The following IMMP2L variants were observed in gnomAD, a reference collection of about 807,000 sequenced individuals.
IMMP2L encodes mitochondrial inner membrane protease subunit 2.
In IMMP2L, 18 loss-of-function variants were observed where a neutral mutation model predicts 19.3. The ratio of observed to expected loss-of-function variants is 0.93; its 90% CI spans 0.64 to 1.38. The LOEUF is 1.38. Ranked by LOEUF, IMMP2L falls within the 40% of genes most tolerant of loss-of-function variation. The probability of loss-of-function intolerance (pLI) is 0.00; values close to 1 mark genes in which losing one functional copy is unlikely to be tolerated. For missense variants in IMMP2L, 233 were observed against 218.2 expected, an observed-to-expected ratio of 1.07 and a Z score of -0.43; for synonymous variants, 76 against 73.0, an observed-to-expected ratio of 1.04 and a Z score of -0.21.
At chr7:111,015,714 G>T (rs1003969054) in intron 3 of IMMP2L, among the ~76,000 whole-genome samples, 1 of 151,978 alleles carries the variant, frequency 6.6e-6, no homozygotes, top group Non-Finnish European at 1.5e-5. Flanking sequence ...TAGGTAGAGG[G>T]TTTCTTTAGG....
chr7:110,870,904 A>T lies in IMMP2L; in HGVS notation c.408+15689T>A, dbSNP rs922561910. ...AGAGATCGGGTTTGAGGATAACTGT[A>T]AGATAACTGCAGCTGCCACAGAGAC... On this transcript the variant is annotated intron_variant, in intron 5 of 5. Transcript: ENST00000405709. This position sits in a 1 kb window ranked among gnomAD's most constrained non-coding sequence, Gnocchi z 4.2. Among the ~76,000 whole-genome samples the T allele has an allele frequency of 6.6e-6, 1 of 152,154 alleles. No homozygotes were observed. The highest frequency in any genetic ancestry group is 6.5e-5 in the Admixed American group (1 of 15,272).
chr7:110,866,904 C>G (rs981704008), intron 5 of IMMP2L, among the ~76,000 whole-genome samples: 2 of 151,998 alleles, frequency 1.3e-5, no homozygotes, highest in African/African-American at 4.8e-5. Context: ...ATTAAAAGAA[C>G]CTTAAGCTAT....
chr7:111,166,058 A>C (rs1013745402), intron 3 of IMMP2L, among the ~76,000 whole-genome samples: 16 of 152,068 alleles, frequency 1.1e-4, no homozygotes, highest in Admixed American at 9.2e-4. Flanking sequence ...TAATCTTAAA[A>C]TGACAAGAAA....
chr7:110,789,376 T>C (rs1800310938), intron 5 of IMMP2L, among the ~76,000 whole-genome samples: 1 of 151,786 alleles, frequency 6.6e-6, no homozygotes. Context: ...TACTCATCTT[T>C]AGCTTCTCCC....
intron 3 of IMMP2L, among the ~76,000 whole-genome samples, chr7:111,441,457 A>G (rs544337708): frequency 1.3e-5 from 2 of 151,882 alleles, no homozygotes; most frequent in South Asian, 4.1e-4. Flanking sequence ...AGGTCGGTGG[A>G]GGTGAAGTCA....
chr7:110,957,773 C>T (rs1346976679), intron 4 of IMMP2L, among the ~76,000 whole-genome samples: 2 of 151,932 alleles, frequency 1.3e-5, no homozygotes, highest in Admixed American at 1.3e-4. Flanking sequence ...CCCTGTCTTC[C>T]TTAATTCATG....
At chr7:111,495,434 C>G (rs1843501235) in intron 2 of IMMP2L, among the ~76,000 whole-genome samples, 1 of 152,188 alleles carries the variant, frequency 6.6e-6, no homozygotes. Flanking sequence ...TCTATCAAAT[C>G]TGCTTTTGGA....
intron 3 of IMMP2L, among the ~76,000 whole-genome samples, chr7:111,159,843 A>G (rs1226142328): frequency 6.6e-6 from 1 of 152,186 alleles, no homozygotes; most frequent in East Asian, 1.9e-4. Flanking sequence ...TGTAATCAAC[A>G]TAAAAAGTAT....
At chr7:111,069,794 C>CA (rs1322460468) in intron 3 of IMMP2L, among the ~76,000 whole-genome samples, 2 of 151,978 alleles carry the variant, frequency 1.3e-5, no homozygotes, top group South Asian at 2.1e-4. Flanking sequence ...ACAAATCATA[C>CA]AAAAAAATTG....
chr7:110,915,100 A>G (rs1465146826), intron 4 of IMMP2L, among the ~76,000 whole-genome samples: 22 of 152,192 alleles, frequency 1.4e-4, no homozygotes, highest in Admixed American at 1.4e-3. Context: ...TATATATCCA[A>G]AGGAAATGAA....
intron 3 of IMMP2L, among the ~76,000 whole-genome samples, chr7:111,050,229 G>A (rs1280032427): frequency 6.6e-6 from 1 of 152,168 alleles, no homozygotes; most frequent in Non-Finnish European, 1.5e-5. Context: ...CATAGAAATT[G>A]ATGTCCACTG....
At chr7:110,902,098 TA>T (rs954697869) in intron 4 of IMMP2L, among the ~76,000 whole-genome samples, 31 of 151,904 alleles carry the variant, frequency 2.0e-4, no homozygotes, top group Admixed American at 5.9e-4. Context: ...TCTACATTTA[TA>T]AAAAAAGATA....
chr7:111,255,062 C>T (rs1816558460), intron 3 of IMMP2L, among the ~76,000 whole-genome samples: 1 of 152,034 alleles, frequency 6.6e-6, no homozygotes, highest in South Asian at 2.1e-4. Flanking sequence ...GTTTTCTATA[C>T]TGATGAAACT....
At chr7:111,051,149 A>C (rs142379201) in intron 3 of IMMP2L, among the ~76,000 whole-genome samples, 8 of 152,324 alleles carry the variant, frequency 5.3e-5, no homozygotes, top group African/African-American at 1.9e-4. Context: ...AAATTTAAAA[A>C]TAAACAAACT....
chr7:111,030,914 A>ATG (rs1790737775), intron 3 of IMMP2L, among the ~76,000 whole-genome samples: 2 of 77,978 alleles, frequency 2.6e-5, no homozygotes, highest in Non-Finnish European at 5.7e-5. Flanking sequence ...ATATATATAT[A>ATG]TATATATATA....
chr7:110,837,563 CTTTA>C (rs1388860044), intron 5 of IMMP2L, among the ~76,000 whole-genome samples: 1 of 151,994 alleles, frequency 6.6e-6, no homozygotes. Flanking sequence ...ATTAAATTTT[CTTTA>C]TTTACTTCCG....
chr7:110,886,037 G>C (rs1349316634), intron 5 of IMMP2L, among the ~76,000 whole-genome samples: 1 of 151,712 alleles, frequency 6.6e-6, no homozygotes, highest in Non-Finnish European at 1.5e-5. Flanking sequence ...TCTTTATGAG[G>C]GCTCCTGCGC....
chr7:111,293,186 T>C (rs1821289544), intron 3 of IMMP2L, among the ~76,000 whole-genome samples: 1 of 151,974 alleles, frequency 6.6e-6, no homozygotes, highest in Admixed American at 6.6e-5. Flanking sequence ...AGTGTATTGA[T>C]TGAGCATTAG....
chr7:111,514,270 AT>A (rs1388212056), intron 2 of IMMP2L, among the ~76,000 whole-genome samples: 1 of 152,122 alleles, frequency 6.6e-6, no homozygotes, highest in Non-Finnish European at 1.5e-5. Flanking sequence ...GTCTACACAT[AT>A]CAAAATATCA....
Sources: allele counts gnomAD v4.1 joint callset (sites outside exome capture counted in the v4.1 genomes callset), GRCh38; gene constraint gnomAD v4.1.1; non-coding constraint Gnocchi (gnomAD v3.1); transcripts MANE v1.5; gene names NCBI Gene and HGNC (gene_info 2026-07-23, HGNC 2026-07-21).